Variants in LINGO2 observed in about 807,000 individuals in gnomAD.
LINGO2 encodes the protein leucine rich repeat and Ig domain containing 2, also known as leucine-rich repeat and immunoglobulin-like domain-containing nogo receptor-interacting protein 2.
A neutral mutation model predicts 30.6 loss-of-function variants in LINGO2; 14 were observed. The ratio of observed to expected loss-of-function variants is 0.46; its 90% CI spans 0.30 to 0.72. The LOEUF (loss-of-function observed/expected upper bound fraction) is 0.72. Among genes scored for constraint, LINGO2 ranks in the 30% least tolerant of loss-of-function variants. LINGO2 has a pLI of 0.07. For missense variants in LINGO2, 729 were observed against 751.7 expected, an observed-to-expected ratio of 0.97 and a Z score of 0.35; for synonymous variants, 317 against 288.5, an observed-to-expected ratio of 1.10 and a Z score of -1.00.
chr9:28,771,536 G>C, the LINGO2 span, among the ~76,000 whole-genome samples: 1 of 149,202 alleles, frequency 6.7e-6, no homozygotes, highest in African/African-American at 2.5e-5. Context: ...AGAGAAGGTA[G>C]TATAAGGTTT....
At chr9:28,197,382 TA>T (rs1024227589) in intron 4 of LINGO2, among the ~76,000 whole-genome samples, 5 of 151,540 alleles carry the variant, frequency 3.3e-5, no homozygotes, top group Middle Eastern at 3.2e-3. Flanking sequence ...AGTAAAGATT[TA>T]AAAAAAACAG....
chr9:27,986,350 G>A (rs1471056932), intron 5 of LINGO2, among the ~76,000 whole-genome samples: 1 of 151,828 alleles, frequency 6.6e-6, no homozygotes, highest in African/African-American at 2.4e-5. Flanking sequence ...CAGGGGCAAA[G>A]GGACTGAGTA....
chr9:28,065,417 A>C (rs1363354488), intron 4 of LINGO2, among the ~76,000 whole-genome samples: 1 of 114,048 alleles, frequency 8.8e-6, no homozygotes, highest in Non-Finnish European at 1.8e-5. Flanking sequence ...AGGGTGGGGG[A>C]TGGTCAGGAA....
chr9:28,784,038 C>A, the LINGO2 span, among the ~76,000 whole-genome samples: 1 of 152,196 alleles, frequency 6.6e-6, no homozygotes, highest in Non-Finnish European at 1.5e-5. Flanking sequence ...AACACCATCT[C>A]ATTCGGGTTT....
chr9:28,665,028 T>C (rs1828742492), intron 1 of LINGO2, among the ~76,000 whole-genome samples: 1 of 123,320 alleles, frequency 8.1e-6, no homozygotes, highest in South Asian at 2.5e-4. Flanking sequence ...TATATATATA[T>C]ATATATATAT....
chr9:29,160,708 C>A, the LINGO2 span, among the ~76,000 whole-genome samples: 1 of 152,014 alleles, frequency 6.6e-6, no homozygotes, highest in Non-Finnish European at 1.5e-5. Flanking sequence ...TGATTTTTCT[C>A]CTAAAGAATA....
intron 4 of LINGO2, among the ~76,000 whole-genome samples, chr9:28,189,596 GAA>G (rs1819716680): frequency 1.1e-4 from 2 of 17,706 alleles, no homozygotes; most frequent in Admixed American, 2.8e-4. Flanking sequence ...AGGAAGGAAG[GAA>G]GGGAGGAAGG....
the LINGO2 span, among the ~76,000 whole-genome samples, chr9:28,848,291 A>AGTG: frequency 1.4e-5 from 1 of 73,074 alleles, no homozygotes; most frequent in African/African-American, 5.7e-5. Context: ...CACTATGCAT[A>AGTG]TATATATACT....
At chr9:28,968,908 T>G in the LINGO2 span, among the ~76,000 whole-genome samples, 5 of 152,156 alleles carry the variant, frequency 3.3e-5, no homozygotes, top group Admixed American at 3.3e-4. Flanking sequence ...TGGGTAATAA[T>G]AGTTTCTAGT....
chr9:28,201,644 G>A (rs188089700), intron 4 of LINGO2, among the ~76,000 whole-genome samples: 6,585 of 151,518 alleles, frequency 0.043, 232 homozygotes, highest in Admixed American at 0.086. Flanking sequence ...GATCCCTGAG[G>A]AATCGCCACA....
At chr9:28,275,154 C>T (rs765551640) in intron 4 of LINGO2, among the ~76,000 whole-genome samples, 6 of 151,940 alleles carry the variant, frequency 3.9e-5, no homozygotes, top group South Asian at 2.1e-4. Context: ...CTGCAAGCTC[C>T]GTCTCCTGGG....
intron 3 of LINGO2, among the ~76,000 whole-genome samples, chr9:28,328,059 G>A (rs1324823883): frequency 6.6e-6 from 1 of 152,144 alleles, no homozygotes; most frequent in Non-Finnish European, 1.5e-5. Context: ...TAGCAGGAGC[G>A]AGAACAAATA....
chr9:28,513,446 T>G lies in LINGO2; in HGVS notation c.-364-37421A>C, dbSNP rs143269236. Among the ~76,000 whole-genome samples the G allele has an allele frequency of 6.8e-3, 1,031 of 152,336 alleles. 12 individuals are homozygous for G. Among genetic ancestry groups the G allele is most frequent in the African/African-American group, 0.023 (969 of 41,580 alleles). On this transcript the variant is annotated intron_variant, in intron 1 of 5. Transcript: ENST00000379992. Reference sequence around the variant, plus strand: ...TTTTTTAGGGTACAGCTATATAATCTTAGTTTCTACATCAGTCTGTAATCT... The same window carrying G: ...TTTTTTAGGGTACAGCTATATAATCGTAGTTTCTACATCAGTCTGTAATCT...
chr9:28,719,687 A>C, the LINGO2 span, among the ~76,000 whole-genome samples: 1 of 151,974 alleles, frequency 6.6e-6, no homozygotes, highest in African/African-American at 2.4e-5. Context: ...CTTCCTGAAA[A>C]ATCTGCTCTG....
At chr9:28,660,312 T>A (rs750991440) in intron 1 of LINGO2, among the ~76,000 whole-genome samples, 2 of 151,996 alleles carry the variant, frequency 1.3e-5, no homozygotes, top group African/African-American at 2.4e-5. Flanking sequence ...ATGAGAATAA[T>A]TAATTCAAAA....
chr9:28,265,922 C>G (rs772713940), intron 4 of LINGO2, among the ~76,000 whole-genome samples: 1 of 151,932 alleles, frequency 6.6e-6, no homozygotes, highest in Non-Finnish European at 1.5e-5. Context: ...TCCTTATACC[C>G]TGTCACATTC....
At chr9:28,542,960 G>A (rs769375402) in intron 1 of LINGO2, among the ~76,000 whole-genome samples, 5 of 152,202 alleles carry the variant, frequency 3.3e-5, no homozygotes, top group Admixed American at 6.5e-5. Flanking sequence ...AGAACACGAC[G>A]TGTAGGGCAC....
intron 4 of LINGO2, among the ~76,000 whole-genome samples, chr9:28,217,717 A>G (rs1820817729): frequency 6.6e-6 from 1 of 152,054 alleles, no homozygotes; most frequent in African/African-American, 2.4e-5. Context: ...GGTGACTTAT[A>G]ATGGGTCTTG....
intron 3 of LINGO2, among the ~76,000 whole-genome samples, chr9:28,341,522 A>C (rs1355022201): frequency 1.3e-5 from 2 of 152,140 alleles, no homozygotes; most frequent in Non-Finnish European, 2.9e-5. Flanking sequence ...TCTCCATGAA[A>C]GCAGCTAATA....
Sources: allele counts gnomAD v4.1 joint callset (sites outside exome capture counted in the v4.1 genomes callset), GRCh38; gene constraint gnomAD v4.1.1; transcripts MANE v1.5; gene names NCBI Gene and HGNC (gene_info 2026-07-23, HGNC 2026-07-21).